Variants in EXOC6B observed in about 807,000 individuals in gnomAD.
EXOC6B encodes exocyst complex component 6B.
Under a neutral mutation model 113.5 loss-of-function variants are expected in EXOC6B, and 54 were observed. The observed-to-expected ratio is 0.48, with a 90% CI of 0.38 to 0.60. The LOEUF is 0.60. Among genes scored for constraint, EXOC6B ranks in the 20% least tolerant of loss-of-function variants. EXOC6B has a pLI of 0.00. For missense variants in EXOC6B, 797 were observed against 977.5 expected (o/e 0.82, Z 2.46); for synonymous variants, 357 against 339.0 (o/e 1.05, Z -0.58).
chr2:72,772,040 A>C (rs1236484946), intron 1 of EXOC6B, among the ~76,000 whole-genome samples: 1 of 152,186 alleles, frequency 6.6e-6, no homozygotes, highest in Non-Finnish European at 1.5e-5. Context: ...AATCCAGGTA[A>C]GAGATCACAG....
intron 20 of EXOC6B, among the ~76,000 whole-genome samples, chr2:72,279,134 T>C (rs916317182): frequency 6.6e-6 from 1 of 152,334 alleles, no homozygotes; most frequent in East Asian, 1.9e-4. Flanking sequence ...CCAATCACCA[T>C]ATCCTTCCCT....
chr2:72,632,733 G>A (rs1672555267), intron 6 of EXOC6B, among the ~76,000 whole-genome samples: 1 of 152,044 alleles, frequency 6.6e-6, no homozygotes, highest in South Asian at 2.1e-4. Context: ...CCAGGCTGGA[G>A]TACAGTGGCA....
chr2:72,623,494 C>A (rs570464711), intron 6 of EXOC6B, among the ~76,000 whole-genome samples: 1 of 152,292 alleles, frequency 6.6e-6, no homozygotes, highest in East Asian at 1.9e-4. Context: ...AGGCCCCAAA[C>A]TGAAAAACAG....
chr2:72,615,079 G>A (rs896307703), intron 6 of EXOC6B, among the ~76,000 whole-genome samples: 4 of 151,776 alleles, frequency 2.6e-5, no homozygotes, highest in Non-Finnish European at 5.9e-5. Context: ...GAGGAGGTAA[G>A]GAAAGAAAAA....
intron 5 of EXOC6B, chr2:72,722,098 A>G (rs1193814118): frequency 6.6e-6 from 1 of 152,024 alleles, no homozygotes; most frequent in Non-Finnish European, 1.5e-5. Context: ...GTATGCATAT[A>G]TGAGATATAT....
chr2:72,325,643 A>G (rs1008722198), intron 20 of EXOC6B, among the ~76,000 whole-genome samples: 8 of 151,882 alleles, frequency 5.3e-5, no homozygotes, highest in African/African-American at 1.9e-4. Flanking sequence ...GCATTTCCAG[A>G]CACAAACTCT....
chr2:72,553,444 T>A (rs1703352182), intron 8 of EXOC6B, among the ~76,000 whole-genome samples: 1 of 152,002 alleles, frequency 6.6e-6, no homozygotes, highest in Non-Finnish European at 1.5e-5. Flanking sequence ...ATCTCAAACT[T>A]ACTATAACAT....
rs1199641904 is a variant in EXOC6B, at chr2:72,465,292, C to T, written c.1848G>A (p.Gln616=). ...AEEEIYTNLN[Q]KIDQFLQLAD... Reference sequence around the variant, plus strand: ...CCAGCTGTAGGAACTGGTCAATCTTCTGGTTTAAGTTGGTATAAATCTCTT... The same window carrying T: ...CCAGCTGTAGGAACTGGTCAATCTTTTGGTTTAAGTTGGTATAAATCTCTT... Residue 616 remains glutamine (Q), a synonymous_variant, in exon 18 of 22, where the codon CAG becomes CAA. Coordinates refer to ENST00000272427, the MANE Select transcript of EXOC6B (RefSeq NM_015189.3). 6.2e-7 allele frequency: 1 copy of T among 1,607,726 alleles called. No individual in the cohort carries two copies. The highest frequency in any genetic ancestry group is 1.7e-5 in the Admixed American group (1 of 59,114).
intron 20 of EXOC6B, among the ~76,000 whole-genome samples, chr2:72,275,074 C>T (rs1038606741): frequency 3.3e-5 from 5 of 152,114 alleles, no homozygotes; most frequent in African/African-American, 1.2e-4. Flanking sequence ...AAATCGTTTA[C>T]AGTATTCCCT....
At chr2:72,316,167 G>T (rs1287779850) in intron 20 of EXOC6B, among the ~76,000 whole-genome samples, 1 of 152,166 alleles carries the variant, frequency 6.6e-6, no homozygotes, top group East Asian at 1.9e-4. Flanking sequence ...AAAAATGGCT[G>T]CCATAGGAAT....
At chr2:72,795,255 T>C (rs1295550265) in intron 1 of EXOC6B, among the ~76,000 whole-genome samples, 2 of 152,206 alleles carry the variant, frequency 1.3e-5, no homozygotes, top group African/African-American at 2.4e-5. Context: ...ATTAGTTCTA[T>C]ATAAACATAA....
chr2:72,765,276 C>T (rs1458374242), intron 1 of EXOC6B, among the ~76,000 whole-genome samples: 2 of 152,014 alleles, frequency 1.3e-5, no homozygotes, highest in Non-Finnish European at 1.5e-5. Flanking sequence ...AACAGAGCAA[C>T]ACCCTCTCTC....
At chr2:72,248,775 C>G (rs1682824699) in intron 20 of EXOC6B, among the ~76,000 whole-genome samples, 1 of 152,008 alleles carries the variant, frequency 6.6e-6, no homozygotes, top group South Asian at 2.1e-4. Context: ...TGGCCTGCAA[C>G]ATTAAAATAT....
At chr2:72,260,089 GA>G (rs948545516) in intron 20 of EXOC6B, among the ~76,000 whole-genome samples, 46 of 152,010 alleles carry the variant, frequency 3.0e-4, no homozygotes, top group African/African-American at 1.1e-3. Context: ...GAGAGAGAGA[GA>G]AAAAGGAAGA....
At chr2:72,557,948 T>C (rs1020010582) in intron 8 of EXOC6B, among the ~76,000 whole-genome samples, 3 of 152,148 alleles carry the variant, frequency 2.0e-5, no homozygotes, top group Non-Finnish European at 4.4e-5. Context: ...TTTCATGTAT[T>C]ATGTTTTATT....
At chr2:72,317,094 T>C (rs1407546029) in intron 20 of EXOC6B, among the ~76,000 whole-genome samples, 1 of 151,750 alleles carries the variant, frequency 6.6e-6, no homozygotes, top group South Asian at 2.1e-4. Context: ...TTTTGTTTTA[T>C]GGGCAAGAGA....
chr2:72,533,262 C>T (rs1429067255), intron 8 of EXOC6B, among the ~76,000 whole-genome samples: 1 of 152,202 alleles, frequency 6.6e-6, no homozygotes, highest in Non-Finnish European at 1.5e-5. Context: ...GGCAGTGATC[C>T]TTTCAAAACA....
intron 7 of EXOC6B, among the ~76,000 whole-genome samples, chr2:72,572,108 G>A (rs1573415841): frequency 6.6e-6 from 1 of 152,024 alleles, no homozygotes; most frequent in East Asian, 1.9e-4. Flanking sequence ...TTCAAGTACT[G>A]TATTTATTGC....
chr2:72,286,687 A>G (rs1685447697), intron 20 of EXOC6B, among the ~76,000 whole-genome samples: 1 of 152,150 alleles, frequency 6.6e-6, no homozygotes, highest in Admixed American at 6.5e-5. Context: ...TATCACATGT[A>G]ACATACCACT....
Sources: gnomAD v4.1 joint callset for allele counts (sites outside exome capture counted in the v4.1 genomes callset) on GRCh38, gnomAD v4.1.1 for gene constraint, MANE v1.5 for transcripts, NCBI Gene and HGNC (gene_info 2026-07-23, HGNC 2026-07-21) for gene names.